The following FNDC3B variants were observed in gnomAD, a reference collection of about 807,000 sequenced individuals.
FNDC3B encodes fibronectin type III domain containing 3B.
Under a neutral mutation model 151.5 loss-of-function variants are expected in FNDC3B, and 12 were observed. That is an observed-to-expected ratio of 0.08 (90% CI 0.05 to 0.13). The LOEUF is 0.13. Ranked by LOEUF, FNDC3B falls within the 10% of genes least tolerant of loss-of-function variation. The pLI, the probability that FNDC3B is intolerant of heterozygous loss-of-function variation, is 1.00. For synonymous variants in FNDC3B, 528 were observed against 549.0 expected, an observed-to-expected ratio of 0.96 and a Z score of 0.54; for missense variants, 1,214 against 1,505.3, an observed-to-expected ratio of 0.81 and a Z score of 3.20.
intron 6 of FNDC3B, among the ~76,000 whole-genome samples, chr3:172,263,588 T>TG (rs1173387722): frequency 6.5e-5 from 2 of 30,626 alleles, no homozygotes; most frequent in Admixed American, 4.4e-4. Flanking sequence ...TATCAAGTGT[T>TG]TTTTTTTTTT....
intron 3 of FNDC3B, among the ~76,000 whole-genome samples, chr3:172,210,475 G>A (rs923502208): frequency 8.5e-5 from 13 of 152,070 alleles, no homozygotes; most frequent in African/African-American, 3.1e-4. Context: ...CAAGTATGCT[G>A]GGACTACAAG....
intron 7 of FNDC3B, among the ~76,000 whole-genome samples, chr3:172,289,251 CA>C (rs1324695202): frequency 1.3e-5 from 2 of 152,198 alleles, no homozygotes; most frequent in Non-Finnish European, 2.9e-5. Context: ...CATATTCCCC[CA>C]GCTTCTGCTT....
At chr3:172,393,513 C>T (rs745672432) in intron 25 of FNDC3B, among the ~76,000 whole-genome samples, 2 of 152,166 alleles carry the variant, frequency 1.3e-5, no homozygotes, top group Non-Finnish European at 2.9e-5. Flanking sequence ...ACCTAACTGA[C>T]GTTTCATCCA....
intron 6 of FNDC3B, among the ~76,000 whole-genome samples, chr3:172,271,704 C>T (rs901193177): frequency 2.0e-5 from 3 of 152,280 alleles, no homozygotes; most frequent in African/African-American, 2.4e-5. Flanking sequence ...CTTAGGTAAA[C>T]GTCAAGTCTG....
intron 3 of FNDC3B, among the ~76,000 whole-genome samples, chr3:172,198,545 T>G (rs561565015): frequency 6.6e-6 from 1 of 152,344 alleles, no homozygotes; most frequent in African/African-American, 2.4e-5. Flanking sequence ...GACAGAAATC[T>G]GACACGTGTA....
At position 172,341,247 on chromosome 3, in the gene FNDC3B, A is replaced by T; in HGVS notation, c.1971+16A>T. 1 of 1,557,580 alleles carries T rather than the reference A, an allele frequency of 6.4e-7. No individual in the cohort carries two copies. The highest frequency in any genetic ancestry group is 8.9e-7 in the Non-Finnish European group (1 of 1,128,454). The stretch of plus-strand genomic sequence containing the variant: ...ACACAGCCAGGTTGGTTTTGTTTCC[A>T]TATGAAAGTAAACCTCATTGATCAA... On this transcript the variant is annotated intron_variant, in intron 17 of 25. Transcript: ENST00000415807.
chr3:172,212,594 A>C (rs1361537555), intron 3 of FNDC3B, among the ~76,000 whole-genome samples: 1 of 152,214 alleles, frequency 6.6e-6, no homozygotes, highest in African/African-American at 2.4e-5. Flanking sequence ...ATTGTCAGCT[A>C]ACACCTGTTT....
chr3:172,270,763 G>A (rs1340145054), intron 6 of FNDC3B, among the ~76,000 whole-genome samples: 1 of 152,174 alleles, frequency 6.6e-6, no homozygotes, highest in Non-Finnish European at 1.5e-5. Context: ...CACTCAAGGG[G>A]ACTTCCAGAC....
chr3:172,337,720 T>A, intron 16 of FNDC3B: 4 of 300,770 alleles, frequency 1.3e-5, no homozygotes, highest in South Asian at 3.1e-5. Flanking sequence ...ATACGATCTC[T>A]GTCACACAGG....
intron 7 of FNDC3B, among the ~76,000 whole-genome samples, chr3:172,288,986 C>G (rs1040317605): frequency 6.6e-6 from 1 of 152,206 alleles, no homozygotes; most frequent in African/African-American, 2.4e-5. Context: ...AACAACTTCT[C>G]TTTCTCTCCA....
chr3:172,278,360 C>T lies in FNDC3B; in HGVS notation c.791-7566C>T, dbSNP rs549240445. ...ACTTTAATTACCTTTGTAAGTTGTT[C>T]TATCCTGTGTTTAAGTGACTACTTT... On this transcript the variant is annotated intron_variant, in intron 6 of 25. Coordinates refer to ENST00000415807, the MANE Select transcript of FNDC3B (RefSeq NM_022763.4). 6.6e-5 allele frequency among the ~76,000 whole-genome samples: 10 copies of T among 152,270 alleles called. No homozygotes were observed. In the East Asian group the frequency reaches 1.9e-3, roughly 29 times the overall value.
rs1320431421 is a variant in FNDC3B, at chr3:172,040,662, T to C, written c.-29+891T>C. 6.7e-6 allele frequency: 1 copy of C among 149,088 alleles called. No individual in the cohort carries two copies. The highest frequency in any genetic ancestry group is 1.5e-5 in the Non-Finnish European group (1 of 66,948). 9.2% of individuals were successfully genotyped at this position (149,088 alleles called of 1,614,324 possible). ...CCCCGAGGGGCGCCTCGGCCGGGGA[T>C]AGGGCGGGCGGGCGGAATCTGCGCC... is the stretch of plus-strand genomic sequence containing the variant. On this transcript the variant is annotated intron_variant, in intron 1 of 25. Coordinates refer to ENST00000415807, the MANE Select transcript of FNDC3B (RefSeq NM_022763.4). The surrounding 1 kb of genome is among the most constrained non-coding windows in gnomAD (Gnocchi z 6.6).
chr3:172,378,514 C>G, intron 24 of FNDC3B, 78 bp downstream of exon 24: 2 of 1,278,188 alleles, frequency 1.6e-6, no homozygotes, highest in Non-Finnish European at 2.1e-6. Context: ...AAGCTCTTTT[C>G]TGATGTTAAA....
intron 16 of FNDC3B, among the ~76,000 whole-genome samples, chr3:172,339,589 C>T (rs1733183639): frequency 2.0e-5 from 3 of 152,024 alleles, no homozygotes; most frequent in South Asian, 2.1e-4. Flanking sequence ...AACAAACAAA[C>T]AAACAAAAAA....
At chr3:172,122,070 G>T (rs922273510) in intron 2 of FNDC3B, among the ~76,000 whole-genome samples, 2 of 152,210 alleles carry the variant, frequency 1.3e-5, no homozygotes, top group African/African-American at 4.8e-5. Flanking sequence ...TCCAGAATGT[G>T]TTAAGACGAG....
intron 13 of FNDC3B, among the ~76,000 whole-genome samples, chr3:172,331,524 A>AT (rs1205966638): frequency 1.1e-3 from 166 of 151,240 alleles, no homozygotes; most frequent in African/African-American, 3.7e-3. Flanking sequence ...CACCCGGCTA[A>AT]TTTTTTTTTG....
At chr3:172,339,541 C>T (rs1159548283) in intron 16 of FNDC3B, among the ~76,000 whole-genome samples, 2 of 151,728 alleles carry the variant, frequency 1.3e-5, no homozygotes, top group Non-Finnish European at 2.9e-5. Context: ...TAAGCCTGGG[C>T]GACAGAGTAA....
chr3:172,385,492 G>GT (rs1365565589), intron 25 of FNDC3B, among the ~76,000 whole-genome samples: 4 of 151,756 alleles, frequency 2.6e-5, no homozygotes, highest in Admixed American at 2.6e-4. Context: ...GGTGACAAGA[G>GT]TAAACTTCAG....
At chr3:172,378,782 T>C (rs1402849791) in intron 24 of FNDC3B, among the ~76,000 whole-genome samples, 2 of 152,212 alleles carry the variant, frequency 1.3e-5, no homozygotes, top group African/African-American at 2.4e-5. Context: ...GGCATTCATC[T>C]TTCAGTGACT....
Sources: allele counts gnomAD v4.1 joint callset (sites outside exome capture counted in the v4.1 genomes callset), GRCh38; gene constraint gnomAD v4.1.1; non-coding constraint Gnocchi (gnomAD v3.1); transcripts MANE v1.5; gene names NCBI Gene and HGNC (gene_info 2026-07-23, HGNC 2026-07-21).